The following APLF variants were observed in gnomAD, a reference collection of about 807,000 sequenced individuals.
APLF encodes aprataxin and PNK-like factor.
A neutral mutation model predicts 55.6 loss-of-function variants in APLF; 61 were observed. That is an observed-to-expected ratio of 1.10 (90% CI 0.89 to 1.36). APLF has a LOEUF of 1.36. Ranked by LOEUF, APLF falls within the 40% of genes most tolerant of loss-of-function variation. APLF has a pLI of 0.00. For synonymous variants in APLF, 207 were observed against 214.8 expected (o/e 0.96, Z 0.32); for missense variants, 611 against 602.5 (o/e 1.01, Z -0.15).
At chr2:68,535,125 A>G (rs1315484616) in intron 6 of APLF, among the ~76,000 whole-genome samples, 1 of 152,138 alleles carries the variant, frequency 6.6e-6, no homozygotes, top group African/African-American at 2.4e-5. Flanking sequence ...CTTTTAGAAT[A>G]AGTTAACATG....
chr2:68,495,228 A>G (rs1022675634), intron 2 of APLF, among the ~76,000 whole-genome samples: 3 of 152,224 alleles, frequency 2.0e-5, no homozygotes, highest in African/African-American at 7.2e-5. Context: ...GCATTACCTG[A>G]GAAGTCCAAA....
chr2:68,578,363 C>T lies in APLF; in HGVS notation c.*341C>T. 1 of 1,025,338 alleles carries T rather than the reference C, an allele frequency of 9.8e-7. No individual in the cohort carries two copies. Among genetic ancestry groups the T allele is most frequent in the Non-Finnish European group, 1.2e-6 (1 of 854,428 alleles). The allele number at this position is 1,025,338 out of a possible 1,614,324, so 63.5% of individuals were successfully genotyped here. On this transcript the variant is annotated 3_prime_UTR_variant, in exon 10 of 10. Transcript: ENST00000303795. ...AACTTTGGTCTTTTTAAATTTTTTT[C>T]CAAAGATTATGGAGTACTCTGCAAG... is the stretch of plus-strand genomic sequence containing the variant.
intron 6 of APLF, among the ~76,000 whole-genome samples, chr2:68,532,243 T>C (rs1364064672): frequency 2.0e-5 from 3 of 152,190 alleles, no homozygotes; most frequent in Non-Finnish European, 1.5e-5. Flanking sequence ...GGCAGGAGGT[T>C]GCCAGCTACA....
At chr2:68,515,756 A>G (rs1296740708) in intron 5 of APLF, 1 of 978,006 alleles carries the variant, frequency 1.0e-6, no homozygotes, top group African/African-American at 1.8e-5. Flanking sequence ...TTATAAACTA[A>G]GACCGTGGGA....
At chr2:68,568,424 G>T in intron 9 of APLF, 1 of 523,196 alleles carries the variant, frequency 1.9e-6, no homozygotes, top group Non-Finnish European at 2.5e-6. Context: ...ACACTTTAGT[G>T]CTTTAGTACT....
chr2:68,510,467 A>G (rs1255725370), intron 3 of APLF, among the ~76,000 whole-genome samples: 1 of 151,892 alleles, frequency 6.6e-6, no homozygotes, highest in Admixed American at 6.6e-5. Context: ...GCAAATTAAC[A>G]CCGCAATGAG....
intron 3 of APLF, among the ~76,000 whole-genome samples, chr2:68,508,065 ATAG>A (rs1437952299): frequency 2.0e-5 from 3 of 151,874 alleles, no homozygotes; most frequent in South Asian, 2.1e-4. Context: ...CTCATTCATA[ATAG>A]TAGCATATTT....
rs1008641272 is a variant in APLF at position 68,528,986 on chromosome 2, G to A, written c.804+2744G>A. 8.6e-5 allele frequency: 131 copies of A among 1,522,190 alleles called. No individual in the cohort carries two copies. In the Middle Eastern group the frequency reaches 9.5e-4, roughly 11 times the overall value. The allele number at this position is 1,522,190 out of a possible 1,614,324, so 94.3% of individuals were successfully genotyped here. A position where few individuals can be genotyped will look rare whatever the true frequency, so the allele number is the denominator to read the frequency against. ...GGTCTGTACCTGGTCTTTCACCTCCGTTGCTTCTTTGGGCTCTTCTGCCCT... is the reference window on the plus strand; with the variant it reads ...GGTCTGTACCTGGTCTTTCACCTCCATTGCTTCTTTGGGCTCTTCTGCCCT... On this transcript the variant is annotated intron_variant, in intron 6 of 9. Transcript: ENST00000303795.
At chr2:68,502,547 A>G (rs1352296387) in intron 2 of APLF, among the ~76,000 whole-genome samples, 184 bp from the exon 3 acceptor site, 10 of 151,804 alleles carry the variant, frequency 6.6e-5, no homozygotes, top group Non-Finnish European at 1.2e-4. Flanking sequence ...ATATATAAAT[A>G]ATAATTATGG....
intron 8 of APLF, among the ~76,000 whole-genome samples, chr2:68,557,789 T>C (rs1366350447): frequency 6.6e-6 from 1 of 151,962 alleles, no homozygotes. Flanking sequence ...TGCAAACCTG[T>C]AGTCCCAGCT....
chr2:68,495,187 CAAT>C (rs1207670412), intron 2 of APLF, among the ~76,000 whole-genome samples: 1 of 152,170 alleles, frequency 6.6e-6, no homozygotes, highest in Admixed American at 6.5e-5. Context: ...CATGCCTTCC[CAAT>C]AATTCTCCAA....
chr2:68,490,966 T>G (rs1463785817), intron 2 of APLF, among the ~76,000 whole-genome samples: 7 of 152,224 alleles, frequency 4.6e-5, no homozygotes, highest in Non-Finnish European at 7.3e-5. Flanking sequence ...CCAATTTGTA[T>G]TTTCATATTT....
At chr2:68,488,132 T>C (rs1676241196) in intron 1 of APLF, among the ~76,000 whole-genome samples, 1 of 152,120 alleles carries the variant, frequency 6.6e-6, no homozygotes, top group South Asian at 2.1e-4. Context: ...GAACCAGCTT[T>C]ATATGCCATA....
intron 1 of APLF, among the ~76,000 whole-genome samples, chr2:68,474,631 T>C (rs1053251070): frequency 5.9e-5 from 9 of 152,206 alleles, no homozygotes; most frequent in African/African-American, 1.9e-4. Flanking sequence ...TTGTATGAGT[T>C]CCTTTCTTTG....
chr2:68,525,460 A>G (rs1467066393), intron 5 of APLF, among the ~76,000 whole-genome samples: 1 of 152,206 alleles, frequency 6.6e-6, no homozygotes, highest in Admixed American at 6.5e-5. Context: ...ACTCTGCTAG[A>G]TAGTTTACAT....
intron 5 of APLF, chr2:68,515,679 T>C (rs971162434): frequency 1.0e-6 from 1 of 983,292 alleles, no homozygotes; most frequent in Middle Eastern, 5.2e-4. Flanking sequence ...ATCGCATGTG[T>C]ACAATGTACT....
intron 2 of APLF, among the ~76,000 whole-genome samples, chr2:68,492,635 A>G (rs1035835950): frequency 6.6e-6 from 1 of 152,230 alleles, no homozygotes; most frequent in African/African-American, 2.4e-5. Flanking sequence ...AGTTATAAAA[A>G]GGCTCCTTTT....
intron 8 of APLF, among the ~76,000 whole-genome samples, chr2:68,546,483 A>G (rs1670709316): frequency 6.6e-6 from 1 of 152,006 alleles, no homozygotes; most frequent in Non-Finnish European, 1.5e-5. Context: ...TTATAGGATA[A>G]GCTTACTTTT....
At chr2:68,492,778 A>G (rs935948830) in intron 2 of APLF, among the ~76,000 whole-genome samples, 3 of 152,190 alleles carry the variant, frequency 2.0e-5, no homozygotes, top group Admixed American at 6.5e-5. Context: ...TAGAGCAAAA[A>G]TTCCTCATGA....
Sources: gnomAD v4.1 joint callset for allele counts (sites outside exome capture counted in the v4.1 genomes callset) on GRCh38, gnomAD v4.1.1 for gene constraint, MANE v1.5 for transcripts, NCBI Gene and HGNC (gene_info 2026-07-23, HGNC 2026-07-21) for gene names.